WDR54: variants seen among roughly 807,000 people sequenced by gnomAD.
WDR54 encodes the protein WD repeat-containing protein 54.
A neutral mutation model predicts 44.1 loss-of-function variants in WDR54; 44 were observed. The ratio of observed to expected loss-of-function variants is 1.00; its 90% CI spans 0.78 to 1.28. The LOEUF (loss-of-function observed/expected upper bound fraction) is 1.28, where lower values mean the gene tolerates loss of function less well. Ranked by LOEUF, WDR54 falls within the 50% of genes most tolerant of loss-of-function variation. WDR54 has a pLI of 0.00. For synonymous variants in WDR54, 169 were observed against 169.8 expected (o/e 1.00, Z 0.04); for missense variants, 409 against 429.7 (o/e 0.95, Z 0.43).
chr2:74,422,216 CAG>C lies in WDR54; in HGVS notation c.64_65del (p.Ser22CysfsTer28), dbSNP rs758156069. The C allele has an allele frequency of 8.1e-6, 13 of 1,614,068 alleles. No homozygotes were observed. The highest frequency in any genetic ancestry group is 1.1e-5 in the Non-Finnish European group (13 of 1,180,058). On this transcript the variant is annotated frameshift_variant, in exon 2 of 10. Transcript: ENST00000348227. LOFTEE classifies it high-confidence loss of function. ...GSAAALCNNL[S>X]VLQLPARNLT... Reference sequence around the variant, plus strand: ...CGGCCGCCGCCCTGTGCAACAACCTCAGTGTGCTGCAGCTGCCGGCTCGCAAC... The same window carrying C: ...CGGCCGCCGCCCTGTGCAACAACCTCTGTGCTGCAGCTGCCGGCTCGCAAC...
intron 6 of WDR54, 85 bp from the exon 7 acceptor site, chr2:74,424,790 C>T: frequency 1.3e-6 from 2 of 1,546,416 alleles, no homozygotes; most frequent in Non-Finnish European, 1.8e-6. Context: ...CAAAGATGCA[C>T]ACACTGCCTC....
At chr2:74,421,956 T>C (rs1676639649) in intron 1 of WDR54, 140 bp downstream of exon 1, 1 of 622,854 alleles carries the variant, frequency 1.6e-6, no homozygotes, top group East Asian at 2.7e-5. Flanking sequence ...CCTCTGCGAT[T>C]CCCCCGTCGC....
intron 2 of WDR54, 196 bp downstream of exon 2, chr2:74,422,571 C>T (rs190217050): frequency 9.0e-5 from 62 of 687,648 alleles, no homozygotes; most frequent in Non-Finnish European, 2.2e-5. Flanking sequence ...GAGACGGGCA[C>T]TTGAGGCCAG....
At chr2:74,424,999 G>T (rs1284505829) in intron 7 of WDR54, 24 bp downstream of exon 7, 1 of 1,614,190 alleles carries the variant, frequency 6.2e-7, no homozygotes, top group East Asian at 2.2e-5. Context: ...AAAGGGTAGA[G>T]GGCTTCCTGA....
chr2:74,422,503 TC>T (rs1670158413), intron 2 of WDR54, 128 bp downstream of exon 2: 1 of 1,163,774 alleles, frequency 8.6e-7, no homozygotes, highest in African/African-American at 1.6e-5. Context: ...CCTCAGAATC[TC>T]CCCTCTCCTG....
chr2:74,425,688 TC>T lies in WDR54; in HGVS notation c.993del (p.Phe331LeufsTer17). On this transcript the variant is annotated frameshift_variant, in exon 10 of 10. Coordinates refer to ENST00000348227, the MANE Select transcript of WDR54 (RefSeq NM_032118.4). LOFTEE classifies it high-confidence loss of function. ...TATGACCTTGCGGAGATCCGGAGATTCAGCAGTGTGTGAGAAGAGCAGCCTT... is the reference window on the plus strand; with the variant it reads ...TATGACCTTGCGGAGATCCGGAGATTAGCAGTGTGTGAGAAGAGCAGCCTT... Reference protein sequence around the residue: ...TGYDLAEIRRFSSV With the variant: ...TGYDLAEIRRXSSV 1.2e-6 allele frequency: 2 copies of T among 1,614,214 alleles called. No individual in the cohort carries two copies. Among genetic ancestry groups the T allele is most frequent in the Non-Finnish European group, 1.7e-6 (2 of 1,180,038 alleles).
In WDR54 at chr2:74,423,475, C is replaced by T. The variant is rs754663285; in HGVS notation, c.353-3C>T. Reference sequence around the variant, plus strand: ...TCTGATCATTCTCCCCTTTCATATTCAGTACAGGCTGTGTTTGCCCGGGGA... The same window carrying T: ...TCTGATCATTCTCCCCTTTCATATTTAGTACAGGCTGTGTTTGCCCGGGGA... On this transcript the variant is annotated splice_region_variant and splice_polypyrimidine_tract_variant and intron_variant, in intron 4 of 9. Coordinates refer to ENST00000348227, the MANE Select transcript of WDR54 (RefSeq NM_032118.4). The T allele has an allele frequency of 1.6e-5, 26 of 1,614,012 alleles. No individual in the cohort carries two copies. The East Asian group carries it at 5.3e-4, about 33-fold the overall frequency.
rs367905518 is a variant in WDR54 at position 74,424,992 on chromosome 2, G to A, written c.635+17G>A. On this transcript the variant is annotated intron_variant, in intron 7 of 9. Transcript: ENST00000348227. ...AGGATTTGGGTAGGTGAGGCAGAAA[G>A]GGTAGAGGGCTTCCTGAGATAGCTT... 3 of 1,614,090 alleles carry A rather than the reference G, an allele frequency of 1.9e-6. No homozygotes were observed. The African/African-American group carries it at 4.0e-5, about 22-fold the overall frequency.
chr2:74,424,776 G>A, intron 6 of WDR54, 99 bp from the exon 7 acceptor site: 1 of 1,461,898 alleles, frequency 6.8e-7, no homozygotes, highest in Non-Finnish European at 9.6e-7. Flanking sequence ...TTTCCCTGGA[G>A]AGGCAAAGAT....
chr2:74,424,791 A>G, intron 6 of WDR54, 84 bp from the exon 7 acceptor site: 1 of 1,552,122 alleles, frequency 6.4e-7, no homozygotes, highest in Non-Finnish European at 8.9e-7. Flanking sequence ...AAAGATGCAC[A>G]CACTGCCTCC....
rs1377568750 is a variant in WDR54 at position 74,423,544 on chromosome 2, A to C, written c.406+13A>C. The C allele has an allele frequency of 3.1e-6, 5 of 1,613,580 alleles. No individual in the cohort carries two copies. The African/African-American group carries it at 6.7e-5, about 22-fold the overall frequency. On this transcript the variant is annotated intron_variant, in intron 5 of 9. Transcript: ENST00000348227. ...TTCATCTGTGTGGGTGAGGGAGCCA[A>C]GTGCAGGGCATGGAGGGGTGCTGGG...
At chr2:74,423,664 G>A in intron 5 of WDR54, 133 bp downstream of exon 5, 2 of 1,435,842 alleles carry the variant, frequency 1.4e-6, no homozygotes, top group East Asian at 4.6e-5. Flanking sequence ...AGAGACTCCA[G>A]TAAACCATGG....
intron 9 of WDR54, 28 bp downstream of exon 9, chr2:74,425,519 G>A (rs771467193): frequency 5.0e-6 from 8 of 1,614,222 alleles, no homozygotes; most frequent in Non-Finnish European, 6.8e-6. Context: ...GGTGGAATGG[G>A]GGGGCCCAAG....
rs558424096 is a variant in WDR54, at chr2:74,425,611, G to A, written c.915G>A (p.Leu305=). The A allele has an allele frequency of 9.5e-5, 154 of 1,614,246 alleles. 3 individuals carry two copies. In the South Asian group the frequency reaches 1.4e-3, roughly 14 times the overall value. The change falls in exon 10 of 10, where the codon CTG becomes CTA. Residue 305 remains leucine (L), a synonymous_variant. Coordinates refer to ENST00000348227, the MANE Select transcript of WDR54 (RefSeq NM_032118.4). ...CHGECVADTQ[L]CGARFCDSSG... is the part of the protein sequence containing the mutation. The stretch of plus-strand genomic sequence containing the variant: ...GTGAGTGTGTCGCCGACACCCAGCT[G>A]TGTGGTGCTCGATTTTGTGATTCCT...
chr2:74,422,326 A>C lies in WDR54; in HGVS notation c.173A>C (p.Gln58Pro), dbSNP rs753240487. ...APEGVPLAQRQLHAKEGAGVS... is the reference protein window; with the variant it reads ...APEGVPLAQRPLHAKEGAGVS... ...GAGGGTGTGCCCTTGGCCCAGCGCC[A>C]GCTCCACGCTAAGGAGGGTGCTGGA... Residue 58 changes from glutamine to proline, a missense_variant, in exon 2 of 10, where the codon CAG becomes CCG. Physicochemically the swap from Gln to Pro is moderately conservative, Grantham distance 76. Coordinates refer to ENST00000348227, the MANE Select transcript of WDR54 (RefSeq NM_032118.4). 3 of 1,614,014 alleles carry C rather than the reference A, an allele frequency of 1.9e-6. No individual in the cohort carries two copies. In the African/African-American group the frequency reaches 4.0e-5, roughly 22 times the overall value.
chr2:74,423,857 A>G lies in WDR54; in HGVS notation c.409A>G (p.Thr137Ala). Reference sequence around the variant, plus strand: ...TGGAGTACTGGTTCTGGATACAGGAACGTGGTCAGGCCGGGTGCTGGTGTT... The same window carrying G: ...TGGAGTACTGGTTCTGGATACAGGAGCGTGGTCAGGCCGGGTGCTGGTGTT... Reference protein sequence around the residue: ...AASGHFICVGTWSGRVLVFDI... With the variant: ...AASGHFICVGAWSGRVLVFDI... Residue 137 changes from threonine to alanine, a missense_variant and splice_region_variant, in exon 6 of 10, where the codon ACG becomes GCG. Physicochemically the swap from Thr to Ala is moderately conservative, Grantham distance 58. Coordinates refer to ENST00000348227, the MANE Select transcript of WDR54 (RefSeq NM_032118.4). The G allele has an allele frequency of 6.2e-7, 1 of 1,614,074 alleles. No homozygotes were observed. Among genetic ancestry groups the G allele is most frequent in the Non-Finnish European group, 8.5e-7 (1 of 1,179,954 alleles).
Position 74,421,790 on chromosome 2 carries a change from G to T in WDR54, c.-28G>T. ...TTTGGAGGGACCCTACGAACCAGGA[G>T]TCAGGCGAGCCGATCTGGGGCTGCA... is the stretch of plus-strand genomic sequence containing the variant. On this transcript the variant is annotated 5_prime_UTR_variant, in exon 1 of 10. Transcript: ENST00000348227. The T allele has an allele frequency of 1.5e-6, 1 of 675,862 alleles. No homozygotes were observed. Among genetic ancestry groups the T allele is most frequent in the South Asian group, 1.6e-5 (1 of 61,054 alleles). The allele number at this position is 675,862 out of a possible 1,614,324, so 41.9% of individuals were successfully genotyped here.
chr2:74,425,400 C>G lies in WDR54; in HGVS notation c.799-17C>G, dbSNP rs1553371138. The G allele has an allele frequency of 1.1e-5, 17 of 1,614,004 alleles. No individual in the cohort carries two copies. Among genetic ancestry groups the G allele is most frequent in the Non-Finnish European group, 1.4e-5 (16 of 1,179,898 alleles). ...TCCCGTCAGGGCATTCTGACTCCCC[C>G]TCTTCCTCCTCCACAGCTACTCTCT... On this transcript the variant is annotated splice_polypyrimidine_tract_variant and intron_variant, in intron 8 of 9. Transcript: ENST00000348227.
rs200560587 is a variant in WDR54 at position 74,422,143 on chromosome 2, C to T, written c.-1-10C>T. The T allele has an allele frequency of 6.2e-7, 1 of 1,610,912 alleles. No individual in the cohort carries two copies. Among genetic ancestry groups the T allele is most frequent in the Non-Finnish European group, 8.5e-7 (1 of 1,178,902 alleles). ...AGCGCGCCTGGTGATTCGGCTGCAC[C>T]CCCACACAGGATGTTCCGCTGGGAG... On this transcript the variant is annotated splice_polypyrimidine_tract_variant and intron_variant, in intron 1 of 9. Transcript: ENST00000348227.
Sources: allele counts gnomAD v4.1 joint callset, GRCh38; gene constraint gnomAD v4.1.1; transcripts MANE v1.5; gene names NCBI Gene and HGNC (gene_info 2026-07-23, HGNC 2026-07-21).